The following FAM3B variants were observed in gnomAD, a reference collection of about 807,000 sequenced individuals.
FAM3B encodes the protein FAM3 metabolism regulating signaling molecule B.
FAM3B carries 29 observed loss-of-function variants against 28.4 expected under a neutral mutation model. That is an observed-to-expected ratio of 1.02 (90% CI 0.76 to 1.39). The LOEUF is 1.39. FAM3B is among the 40% of genes most tolerant of loss of function. The pLI, the probability that FAM3B is intolerant of heterozygous loss-of-function variation, is 0.00. For missense variants in FAM3B, 266 were observed against 293.9 expected (o/e 0.91, Z 0.69); for synonymous variants, 91 against 103.0 (o/e 0.88, Z 0.71).
chr21:41,332,719 T>A (rs1054161874), intron 2 of FAM3B, among the ~76,000 whole-genome samples: 4 of 152,226 alleles, frequency 2.6e-5, no homozygotes, highest in Non-Finnish European at 5.9e-5. Flanking sequence ...CTGTTCCTTT[T>A]TTCGGTGTAT....
chr21:41,311,236 C>CAAAAAAAA (rs71848321), intron 1 of FAM3B, among the ~76,000 whole-genome samples: 15 of 23,482 alleles, frequency 6.4e-4, no homozygotes, highest in African/African-American at 1.9e-3. Context: ...CCTGTCTCTA[C>CAAAAAAAA]AAAAAAAAAA....
Position 41,357,183 on chromosome 21 carries a change from A to C in FAM3B, c.694A>C (p.Lys232Gln), listed in dbSNP as rs2089175059. The C allele has an allele frequency of 3.1e-6, 5 of 1,612,792 alleles. No homozygotes were observed. Among genetic ancestry groups the C allele is most frequent in the Non-Finnish European group, 4.2e-6 (5 of 1,179,194 alleles). The part of the protein sequence containing the change: ...AEIQIEGCIP[K>Q]ERS ...GATCCAGATAGAAGGCTGCATACCC[A>C]AAGAACGAAGCTGACACTGCAGGGT... Residue 232 changes from lysine (K) to glutamine (Q), a missense_variant, in exon 8 of 8, where the codon AAA (lysine) becomes CAA (glutamine). Lys to Gln is a moderately conservative substitution (Grantham distance 53). Coordinates refer to ENST00000357985, the MANE Select transcript of FAM3B (RefSeq NM_058186.4).
intron 2 of FAM3B, among the ~76,000 whole-genome samples, chr21:41,334,546 T>A (rs923654739): frequency 6.6e-6 from 1 of 152,144 alleles, no homozygotes; most frequent in Non-Finnish European, 1.5e-5. Context: ...TCACATGATA[T>A]TAAGCCTGCA....
chr21:41,313,389 C>G (rs760658845), upstream of FAM3B, among the ~76,000 whole-genome samples: 7 of 152,248 alleles, frequency 4.6e-5, no homozygotes, highest in Non-Finnish European at 8.8e-5. Context: ...CGTCTGCACT[C>G]AGGGGAAACC....
At chr21:41,342,434 CTCT>C (rs1020733351) in intron 3 of FAM3B, among the ~76,000 whole-genome samples, 3 of 152,152 alleles carry the variant, frequency 2.0e-5, no homozygotes, top group Admixed American at 6.5e-5. Flanking sequence ...TCACTTTCTC[CTCT>C]TCTTCTGAGA....
intron 2 of FAM3B, among the ~76,000 whole-genome samples, chr21:41,330,261 C>T (rs1266097945): frequency 6.6e-6 from 1 of 152,108 alleles, no homozygotes; most frequent in Non-Finnish European, 1.5e-5. Flanking sequence ...TTCATCAGAG[C>T]GTTTTGGATT....
At position 41,357,200 on chromosome 21, in the gene FAM3B, C is replaced by A. The variant is rs901638268; in HGVS notation, c.*3C>A. On this transcript the variant is annotated 3_prime_UTR_variant, in exon 8 of 8. Transcript: ENST00000357985. ...GCATACCCAAAGAACGAAGCTGACA[C>A]TGCAGGGTCCTGAGTAAATGTGTTC... 4 of 1,602,746 alleles carry A rather than the reference C, an allele frequency of 2.5e-6. No homozygotes were observed. The African/African-American group carries it at 5.4e-5, about 21-fold the overall frequency.
intron 2 of FAM3B, 114 bp downstream of exon 2, chr21:41,323,180 A>T: frequency 7.1e-7 from 1 of 1,408,364 alleles, no homozygotes; most frequent in Non-Finnish European, 9.6e-7. Context: ...TATATCAGGA[A>T]GGAGGAGGAG....
intron 1 of FAM3B, 64 bp from the exon 2 acceptor site, chr21:41,322,859 G>A (rs1251788460): frequency 1.9e-6 from 3 of 1,613,716 alleles, no homozygotes; most frequent in Admixed American, 3.3e-5. Context: ...GGGGGATGGG[G>A]AGGGCCAAGG....
At chr21:41,338,079 C>T (rs2088971938) in intron 2 of FAM3B, among the ~76,000 whole-genome samples, 1 of 152,084 alleles carries the variant, frequency 6.6e-6, no homozygotes, top group Admixed American at 6.5e-5. Context: ...ACATTGCCCA[C>T]CAAGAATGTC....
At chr21:41,355,929 G>A (rs1448210245) in intron 7 of FAM3B, among the ~76,000 whole-genome samples, 1 of 151,970 alleles carries the variant, frequency 6.6e-6, no homozygotes, top group Non-Finnish European at 1.5e-5. Context: ...TCAAGTTAAG[G>A]TGCTCTATTA....
rs538961102 is a variant in FAM3B at position 41,306,794 on chromosome 21, G to A, written n.99+2484G>A. On this transcript the variant is annotated intron_variant and non_coding_transcript_variant, in intron 1 of 9. Coordinates refer to the FAM3B transcript ENST00000479810. ...GATTTGGGGGTATAAGTGCAATTGTGTTACCTGGATGTTATATTGCTTAGT... is the reference window on the plus strand; with the variant it reads ...GATTTGGGGGTATAAGTGCAATTGTATTACCTGGATGTTATATTGCTTAGT... Among the ~76,000 whole-genome samples, 4 of 152,274 alleles carry A rather than the reference G, an allele frequency of 2.6e-5. No individual in the cohort carries two copies. The East Asian group carries it at 7.7e-4, about 29-fold the overall frequency.
chr21:41,339,673 A>C (rs1440537919), intron 3 of FAM3B, among the ~76,000 whole-genome samples: 1 of 152,204 alleles, frequency 6.6e-6, no homozygotes, highest in Non-Finnish European at 1.5e-5. Flanking sequence ...TACCAAGACT[A>C]CTAACAATAC....
rs745568213 is a variant in FAM3B at position 41,345,682 on chromosome 21, T to TACTATTCC, written c.347-4_347-3insACTATTCC. 1 of 1,536,376 alleles carries TACTATTCC rather than the reference T, an allele frequency of 6.5e-7. No individual in the cohort carries two copies. Among genetic ancestry groups the TACTATTCC allele is most frequent in the Non-Finnish European group, 8.7e-7 (1 of 1,144,972 alleles). ...TTTTAAAATACCATTTCTTTTATTT[T>TACTATTCC]CAGATGTAACTGGGAATGTGACAGC... On this transcript the variant is annotated splice_polypyrimidine_tract_variant and splice_region_variant and intron_variant, in intron 4 of 7. Coordinates refer to ENST00000357985, the MANE Select transcript of FAM3B (RefSeq NM_058186.4).
At chr21:41,333,219 G>T (rs2088923278) in intron 2 of FAM3B, among the ~76,000 whole-genome samples, 2 of 150,056 alleles carry the variant, frequency 1.3e-5, no homozygotes, top group African/African-American at 2.5e-5. Context: ...AGTGTTGTTT[G>T]ATTTCTACAT....
intron 1 of FAM3B, chr21:41,319,503 C>A (rs2088781941): frequency 6.6e-6 from 1 of 152,404 alleles, no homozygotes; most frequent in Non-Finnish European, 1.5e-5. Context: ...TGTTCCTGGA[C>A]TCTGTGCTTC....
At chr21:41,311,119 T>C (rs2088707139) in intron 1 of FAM3B, among the ~76,000 whole-genome samples, 2 of 150,402 alleles carry the variant, frequency 1.3e-5, no homozygotes, top group Non-Finnish European at 3.0e-5. Context: ...GACCCCTTTA[T>C]ACACTTAAAA....
At chr21:41,311,236 CAAAAA>C (rs71848321) in intron 1 of FAM3B, among the ~76,000 whole-genome samples, 38 of 23,512 alleles carry the variant, frequency 1.6e-3, no homozygotes, top group East Asian at 4.5e-3. Flanking sequence ...CCTGTCTCTA[CAAAAA>C]AAAAAAAAAA....
At chr21:41,320,585 G>A (rs1402253014) in intron 1 of FAM3B, 1 of 152,266 alleles carries the variant, frequency 6.6e-6, no homozygotes, top group Non-Finnish European at 1.5e-5. Flanking sequence ...CAGGCTGCTG[G>A]TTCAGCTCAT....
Sources: allele counts gnomAD v4.1 joint callset (sites outside exome capture counted in the v4.1 genomes callset), GRCh38; gene constraint gnomAD v4.1.1; transcripts MANE v1.5; gene names NCBI Gene and HGNC (gene_info 2026-07-23, HGNC 2026-07-21).